PCDHGB4: variants seen among roughly 807,000 people sequenced by gnomAD.
PCDHGB4 encodes protocadherin gamma subfamily B, 4.
In PCDHGB4, 38 loss-of-function variants were observed where a neutral mutation model predicts 60.5. That is an observed-to-expected ratio of 0.63 (90% CI 0.48 to 0.82). The LOEUF (loss-of-function observed/expected upper bound fraction) is 0.82, where lower values mean the gene tolerates loss of function less well. Ranked by LOEUF, PCDHGB4 falls within the 40% of genes least tolerant of loss-of-function variation. PCDHGB4 has a pLI of 0.00. For missense variants in PCDHGB4, 1,109 were observed against 1,209.6 expected (o/e 0.92, Z 1.23); for synonymous variants, 456 against 509.7 (o/e 0.89, Z 1.42).
At chr5:141,390,407 G>A in intron 1 of PCDHGB4, 126 bp downstream of exon 1, 1 of 1,265,446 alleles carries the variant, frequency 7.9e-7, no homozygotes, top group Non-Finnish European at 1.1e-6. Flanking sequence ...TAGGAAAGTT[G>A]TAGTCAGTTA....
Position 141,486,142 on chromosome 5 carries a change from C to T in PCDHGB4, c.2398-8665C>T. 6.2e-7 allele frequency: 1 copy of T among 1,614,200 alleles called. No homozygotes were observed. The highest frequency in any genetic ancestry group is 1.3e-5 in the African/African-American group (1 of 75,052). ...ACTATGAATTTGATGTGCGGGCTCG[C>T]GATGGGGGTTCTCCAGCCATGGAGC... On this transcript the variant is annotated intron_variant, in intron 1 of 3. Coordinates refer to ENST00000519479, the MANE Select transcript of PCDHGB4 (RefSeq NM_003736.4). This position sits in a 1 kb window ranked among gnomAD's most constrained non-coding sequence, Gnocchi z 5.0.
chr5:141,491,845 G>A lies in PCDHGB4; in HGVS notation c.2398-2962G>A. 6.8e-7 allele frequency: 1 copy of A among 1,463,944 alleles called. No homozygotes were observed. The highest frequency in any genetic ancestry group is 9.0e-7 in the Non-Finnish European group (1 of 1,106,126). 90.7% of individuals were successfully genotyped at this position (1,463,944 alleles called of 1,614,324 possible). ...CTCCACCCGATTCTCGGGATCATTGGACCGTTTGCGCGAAACCAGAGTGGC... is the reference window on the plus strand; with the variant it reads ...CTCCACCCGATTCTCGGGATCATTGAACCGTTTGCGCGAAACCAGAGTGGC... On this transcript the variant is annotated intron_variant, in intron 1 of 3. Coordinates refer to ENST00000519479, the MANE Select transcript of PCDHGB4 (RefSeq NM_003736.4). This position sits in a 1 kb window ranked among gnomAD's most constrained non-coding sequence, Gnocchi z 6.9.
At chr5:141,422,206 G>C (rs1269700250) in intron 1 of PCDHGB4, 2 of 1,562,442 alleles carry the variant, frequency 1.3e-6, no homozygotes, top group East Asian at 4.5e-5. Context: ...AGATGGTGGA[G>C]GTCTCTTTAC....
rs200519543 is a variant in PCDHGB4, at chr5:141,439,190, C to CAA, written c.2397+48923_2397+48924dup. 3.7e-3 allele frequency among the ~76,000 whole-genome samples: 409 copies of CAA among 111,790 alleles called. 4 individuals are homozygous for CAA. The highest frequency in any genetic ancestry group is 0.029 in the East Asian group (112 of 3,852). The allele number at this position is 111,790 out of a possible 152,430, so 73.3% of individuals were successfully genotyped here. A position where few individuals can be genotyped will look rare whatever the true frequency, so the allele number is the denominator to read the frequency against. On this transcript the variant is annotated intron_variant, in intron 1 of 3. Transcript: ENST00000519479. Reference sequence around the variant, plus strand: ...CCTGGGCGACATAGTGAGACTCTGACAAAAAAAAAAAAAAATCCATATGTG... The same window carrying CAA: ...CCTGGGCGACATAGTGAGACTCTGACAAAAAAAAAAAAAAAAATCCATATGTG...
intron 1 of PCDHGB4, among the ~76,000 whole-genome samples, chr5:141,481,782 T>C (rs1348977678): frequency 6.6e-6 from 1 of 152,008 alleles, no homozygotes; most frequent in African/African-American, 2.4e-5. Context: ...TGAAACCCCG[T>C]CTCTACTAAA....
chr5:141,399,259 G>A, intron 1 of PCDHGB4: 1 of 1,613,874 alleles, frequency 6.2e-7, no homozygotes, highest in Non-Finnish European at 8.5e-7. Context: ...AAATGGGGAG[G>A]TTAATTGTCA....
At chr5:141,426,022 T>A (rs1174153557) in intron 1 of PCDHGB4, among the ~76,000 whole-genome samples, 3 of 152,204 alleles carry the variant, frequency 2.0e-5, no homozygotes, top group Admixed American at 2.0e-4. Flanking sequence ...GTTTTCTAAA[T>A]AGACTCAGAG....
In PCDHGB4 at chr5:141,485,111, G is replaced by C. The variant is rs2099607127; in HGVS notation, c.2398-9696G>C. On this transcript the variant is annotated intron_variant, in intron 1 of 3. Coordinates refer to ENST00000519479, the MANE Select transcript of PCDHGB4 (RefSeq NM_003736.4). The surrounding 1 kb of genome is among the most constrained non-coding windows in gnomAD (Gnocchi z 5.7). The stretch of plus-strand genomic sequence containing the variant: ...ATAGGTGTCTCCAGCTGCTGTGGCT[G>C]TTTGGGGCGGGTCGGCTTCATCCGC... 5.4e-6 allele frequency: 7 copies of C among 1,287,562 alleles called. No individual in the cohort carries two copies. The highest frequency in any genetic ancestry group is 7.8e-6 in the Non-Finnish European group (7 of 899,436). 79.8% of individuals were successfully genotyped at this position (1,287,562 alleles called of 1,614,324 possible). A position where few individuals can be genotyped will look rare whatever the true frequency, so the allele number is the denominator to read the frequency against.
intron 2 of PCDHGB4, among the ~76,000 whole-genome samples, chr5:141,504,579 G>T (rs994771989): frequency 2.0e-5 from 3 of 149,174 alleles, no homozygotes; most frequent in Non-Finnish European, 4.4e-5. Context: ...AACACCATCT[G>T]CCCAGGATTC....
At chr5:141,407,708 G>C (rs2094972839) in intron 1 of PCDHGB4, among the ~76,000 whole-genome samples, 1 of 152,106 alleles carries the variant, frequency 6.6e-6, no homozygotes, top group African/African-American at 2.4e-5. Flanking sequence ...TGAAGGTGGG[G>C]TGATGGCTAT....
chr5:141,454,128 C>T (rs988254902), intron 1 of PCDHGB4, among the ~76,000 whole-genome samples: 4 of 152,122 alleles, frequency 2.6e-5, no homozygotes, highest in African/African-American at 7.2e-5. Flanking sequence ...AATAGCTGAC[C>T]ATGGGAATGT....
At position 141,432,180 on chromosome 5, in the gene PCDHGB4, T is replaced by G. The variant is rs943491593; in HGVS notation, c.2397+41899T>G. 2 of 1,614,044 alleles carry G rather than the reference T, an allele frequency of 1.2e-6. No homozygotes were observed. The highest frequency in any genetic ancestry group is 1.7e-6 in the Non-Finnish European group (2 of 1,180,036). ...CCCAGAGGAGTTTCCCTCGTCTCTG[T>G]GACCGCCCACGACCCCGACTGTGAA... On this transcript the variant is annotated intron_variant, in intron 1 of 3. Coordinates refer to ENST00000519479, the MANE Select transcript of PCDHGB4 (RefSeq NM_003736.4). This position sits in a 1 kb window ranked among gnomAD's most constrained non-coding sequence, Gnocchi z 6.0.
chr5:141,439,796 G>A (rs980000701), intron 1 of PCDHGB4: 1 of 152,318 alleles, frequency 6.6e-6, no homozygotes. Flanking sequence ...AATCCAAGAA[G>A]AGTTTGAAAA....
intron 2 of PCDHGB4, among the ~76,000 whole-genome samples, chr5:141,504,786 C>A (rs568185327): frequency 6.6e-6 from 1 of 152,014 alleles, no homozygotes; most frequent in South Asian, 2.1e-4. Context: ...TCTCTTGGGG[C>A]CTCCTACATC....
chr5:141,396,727 G>T (rs2093426642), intron 1 of PCDHGB4: 1 of 152,114 alleles, frequency 6.6e-6, no homozygotes, highest in Non-Finnish European at 1.5e-5. Flanking sequence ...TACCTGAATT[G>T]ATTGTTGTAA....
chr5:141,476,446 G>A lies in PCDHGB4; in HGVS notation c.2398-18361G>A. On this transcript the variant is annotated intron_variant, in intron 1 of 3. Transcript: ENST00000519479. This position sits in a 1 kb window ranked among gnomAD's most constrained non-coding sequence, Gnocchi z 7.6. Reference sequence around the variant, plus strand: ...CCTCTTGCACTGTAACTCTGGAGTTGGTAGTGGAGAACCCGCTGGAGCTGT... The same window carrying A: ...CCTCTTGCACTGTAACTCTGGAGTTAGTAGTGGAGAACCCGCTGGAGCTGT... 6.2e-7 allele frequency: 1 copy of A among 1,614,144 alleles called. No homozygotes were observed. Among genetic ancestry groups the A allele is most frequent in the South Asian group, 1.1e-5 (1 of 91,072 alleles).
intron 1 of PCDHGB4, chr5:141,396,605 G>A (rs2093403616): frequency 6.6e-6 from 1 of 151,594 alleles, no homozygotes; most frequent in Non-Finnish European, 1.5e-5. Flanking sequence ...GGGCAACAGG[G>A]TGAGACTCCG....
intron 1 of PCDHGB4, chr5:141,423,365 T>A (rs1338039878): frequency 1.9e-6 from 3 of 1,614,096 alleles, no homozygotes; most frequent in South Asian, 1.1e-5. Context: ...ATCGTGCTGC[T>A]GGCACTCAGG....
At chr5:141,402,870 C>G in intron 1 of PCDHGB4, 1 of 1,449,300 alleles carries the variant, frequency 6.9e-7, no homozygotes, top group Non-Finnish European at 9.1e-7. Flanking sequence ...AAAAGATCAC[C>G]ATACTTTGCA....
Sources: gnomAD v4.1 joint callset for allele counts (sites outside exome capture counted in the v4.1 genomes callset) on GRCh38, gnomAD v4.1.1 for gene constraint, Gnocchi (gnomAD v3.1) non-coding constraint, MANE v1.5 for transcripts, NCBI Gene and HGNC (gene_info 2026-07-23, HGNC 2026-07-21) for gene names.